Variants in SND1 observed in about 807,000 individuals in gnomAD.
The protein encoded by SND1 is staphylococcal nuclease and tudor domain containing 1.
Under a neutral mutation model 121.7 loss-of-function variants are expected in SND1, and 38 were observed. The ratio of observed to expected loss-of-function variants is 0.31; its 90% CI spans 0.24 to 0.41. The LOEUF (loss-of-function observed/expected upper bound fraction) is 0.41. SND1 is among the 10% of genes least tolerant of loss of function. SND1 has a pLI of 1.00. For synonymous variants in SND1, 401 were observed against 447.4 expected, an observed-to-expected ratio of 0.90 and a Z score of 1.31; for missense variants, 868 against 1,184.6, an observed-to-expected ratio of 0.73 and a Z score of 3.92.
At chr7:127,826,258 A>T (rs1365759549) in intron 11 of SND1, among the ~76,000 whole-genome samples, 1 of 152,178 alleles carries the variant, frequency 6.6e-6, no homozygotes. Context: ...ACTTTTATGT[A>T]TTGATTTTAA....
At chr7:127,782,448 G>A (rs1387465562) in intron 10 of SND1, among the ~76,000 whole-genome samples, 3 of 152,164 alleles carry the variant, frequency 2.0e-5, no homozygotes, top group African/African-American at 7.2e-5. Flanking sequence ...TTCATGTTAA[G>A]GCATCATTAA....
chr7:128,086,970 C>T lies in SND1; in HGVS notation c.2337C>T (p.Thr779=), dbSNP rs201126447. 31 of 1,614,196 alleles carry T rather than the reference C, an allele frequency of 1.9e-5. No homozygotes were observed. Among genetic ancestry groups the T allele is most frequent in the Non-Finnish European group, 2.5e-5 (29 of 1,180,038 alleles). Residue 779 remains threonine, a synonymous_variant, in exon 21 of 24, where the codon ACC becomes ACT. Transcript: ENST00000354725. ...TCCTGCCATCCACCCGCCTGGGTAC[C>T]CTATCACCTGCCTTCAGCACTCGGG... is the stretch of plus-strand genomic sequence containing the variant. ...REVLPSTRLG[T]LSPAFSTRVL...
chr7:128,075,407 G>T (rs1793491141), intron 17 of SND1, among the ~76,000 whole-genome samples: 1 of 152,216 alleles, frequency 6.6e-6, no homozygotes, highest in Non-Finnish European at 1.5e-5. Context: ...CTATAAATTT[G>T]TTCCAGGAAT....
chr7:127,868,938 G>A (rs1408352423), intron 12 of SND1, among the ~76,000 whole-genome samples: 1 of 152,022 alleles, frequency 6.6e-6, no homozygotes, highest in Non-Finnish European at 1.5e-5. Flanking sequence ...TCTTTGCACT[G>A]GGGATAGATC....
At chr7:127,889,222 T>C (rs943178504) in intron 13 of SND1, among the ~76,000 whole-genome samples, 1 of 152,084 alleles carries the variant, frequency 6.6e-6, no homozygotes, top group Non-Finnish European at 1.5e-5. Flanking sequence ...ACGTAGTTCG[T>C]GATTGGTGTT....
chr7:127,970,931 G>A (rs1342768373), intron 15 of SND1, among the ~76,000 whole-genome samples: 3 of 151,642 alleles, frequency 2.0e-5, no homozygotes, highest in Non-Finnish European at 4.4e-5. Context: ...GCAACAAAGC[G>A]AGACCCTGTC....
intron 14 of SND1, among the ~76,000 whole-genome samples, chr7:127,905,257 C>T (rs1369405408): frequency 6.6e-6 from 1 of 152,034 alleles, no homozygotes; most frequent in Non-Finnish European, 1.5e-5. Context: ...CCTCTGCTTG[C>T]CTGTAAGTGG....
rs760207441 is a variant in SND1, at chr7:128,086,993, G to A, written c.2360G>A (p.Arg787Gln). The change falls in exon 21 of 24, where the codon CGG (arginine) becomes CAG (glutamine). Residue 787 changes from arginine to glutamine, a missense_variant. This residue lies in a region of SND1 where 743 missense variants were observed against 1,071.3 expected (regional missense o/e 0.69). Coordinates refer to ENST00000354725, the MANE Select transcript of SND1 (RefSeq NM_014390.4). ...LGTLSPAFST[R>Q]VLPAQATEYA... ...ACCCTATCACCTGCCTTCAGCACTC[G>A]GGTGCTGCCAGCTCAAGCCACGGAG... 1.2e-5 allele frequency: 20 copies of A among 1,614,094 alleles called. No individual in the cohort carries two copies. Among genetic ancestry groups the A allele is most frequent in the Admixed American group, 3.3e-5 (2 of 60,010 alleles).
chr7:127,949,914 C>T (rs1476210512), intron 15 of SND1, among the ~76,000 whole-genome samples: 1 of 152,146 alleles, frequency 6.6e-6, no homozygotes, highest in Non-Finnish European at 1.5e-5. Context: ...ATAAAGAGTG[C>T]TTATCCTCCA....
intron 16 of SND1, among the ~76,000 whole-genome samples, chr7:128,039,580 T>C (rs1272807946): frequency 1.3e-5 from 2 of 152,218 alleles, no homozygotes; most frequent in Non-Finnish European, 2.9e-5. Flanking sequence ...AGCCCCTTGC[T>C]GACAGATTTA....
intron 11 of SND1, among the ~76,000 whole-genome samples, chr7:127,841,095 T>C (rs1798957042): frequency 6.6e-6 from 1 of 152,166 alleles, no homozygotes; most frequent in Admixed American, 6.5e-5. Context: ...TTCCTCCTAT[T>C]ATTACTCCCA....
chr7:127,983,341 T>C (rs959636379), intron 15 of SND1, among the ~76,000 whole-genome samples: 10 of 152,192 alleles, frequency 6.6e-5, no homozygotes, highest in African/African-American at 1.9e-4. Context: ...GTTCTGTGTC[T>C]TGTCCTTGAC....
intron 1 of SND1, among the ~76,000 whole-genome samples, chr7:127,665,830 A>G (rs1795407415): frequency 6.6e-6 from 1 of 152,324 alleles, no homozygotes; most frequent in Non-Finnish European, 1.5e-5. Flanking sequence ...TAATAACCCA[A>G]AACAGAATCA....
At chr7:127,762,932 G>A (rs188670193) in intron 10 of SND1, among the ~76,000 whole-genome samples, 7 of 152,298 alleles carry the variant, frequency 4.6e-5, no homozygotes, top group African/African-American at 7.2e-5. Context: ...TTCATCAAAT[G>A]TACATAATCT....
intron 17 of SND1, 69 bp downstream of exon 17, chr7:128,074,759 C>T (rs1025936832): frequency 7.0e-7 from 1 of 1,428,366 alleles, no homozygotes; most frequent in Non-Finnish European, 9.5e-7. Context: ...GCTGCTGCCT[C>T]CAGAGAACAG....
At chr7:127,935,694 G>A (rs530676060) in intron 15 of SND1, among the ~76,000 whole-genome samples, 57 of 152,342 alleles carry the variant, frequency 3.7e-4, no homozygotes, top group South Asian at 3.7e-3. Context: ...CATGTTGTGG[G>A]ATTGTTCGCC....
At chr7:128,059,002 C>T (rs1256082417) in intron 16 of SND1, among the ~76,000 whole-genome samples, 3 of 152,156 alleles carry the variant, frequency 2.0e-5, no homozygotes, top group Non-Finnish European at 4.4e-5. Context: ...CCCGTCATCC[C>T]GTGTTTCTCT....
chr7:127,767,471 G>A (rs1032134699), intron 10 of SND1, among the ~76,000 whole-genome samples: 1 of 152,186 alleles, frequency 6.6e-6, no homozygotes, highest in African/African-American at 2.4e-5. Flanking sequence ...TCTTTGAAAT[G>A]GTAGACTTCC....
chr7:127,665,907 G>C (rs1795408606), intron 1 of SND1, among the ~76,000 whole-genome samples: 1 of 152,172 alleles, frequency 6.6e-6, no homozygotes, highest in African/African-American at 2.4e-5. Flanking sequence ...GAGAAAAGTG[G>C]TGCATTCTAT....
Sources: allele counts gnomAD v4.1 joint callset (sites outside exome capture counted in the v4.1 genomes callset), GRCh38; gene constraint gnomAD v4.1.1; regional missense constraint gnomAD v4.1.1; transcripts MANE v1.5; gene names NCBI Gene and HGNC (gene_info 2026-07-23, HGNC 2026-07-21).